Variants in SVOP observed in about 807,000 individuals in gnomAD.
SVOP encodes SV2 related protein.
Under a neutral mutation model 69.1 loss-of-function variants are expected in SVOP, and 17 were observed. That is an observed-to-expected ratio of 0.25 (90% CI 0.17 to 0.37). SVOP has a LOEUF of 0.37. Among genes scored for constraint, SVOP ranks in the 10% least tolerant of loss-of-function variants. The pLI, the probability that SVOP is intolerant of heterozygous loss-of-function variation, is 1.00. For synonymous variants in SVOP, 238 were observed against 238.6 expected, an observed-to-expected ratio of 1.00 and a Z score of 0.02; for missense variants, 435 against 597.5, an observed-to-expected ratio of 0.73 and a Z score of 2.84.
At position 108,912,537 on chromosome 12, in the gene SVOP, A is replaced by G. The variant is rs771485458; in HGVS notation, c.1645T>C (p.Ter549GlnextTer1). ...CCAGCTCAGTCCCCCATCGGTCACT[A>G]TTCCTGAGAGCCAGAGTTCGACCTG... The part of the protein sequence containing the change: ...VTRSNSGSQE[*>Q] The change falls in exon 16 of 16, where the codon TAG (stop) becomes CAG (glutamine). Residue 549 changes from the stop codon to glutamine (Q), a stop_lost. Coordinates refer to ENST00000610966, the MANE Select transcript of SVOP (RefSeq NM_018711.5). The G allele has an allele frequency of 6.8e-6, 11 of 1,613,760 alleles. No homozygotes were observed. Among genetic ancestry groups the G allele is most frequent in the Non-Finnish European group, 9.3e-6 (11 of 1,179,702 alleles).
At position 108,946,152 on chromosome 12, in the gene SVOP, G is replaced by A. The variant is rs138624468; in HGVS notation, c.579-986C>T. The stretch of plus-strand genomic sequence containing the variant: ...CCCTATCCCCAGGCTTGAGTGCATG[G>A]TGTGATCATGGCTCACTGCAGCTTC... On this transcript the variant is annotated intron_variant, in intron 6 of 15. Transcript: ENST00000610966. Among the ~76,000 whole-genome samples, 142 of 152,178 alleles carry A rather than the reference G, an allele frequency of 9.3e-4. 3 individuals carry two copies. The highest frequency in any genetic ancestry group is 3.4e-3 in the African/African-American group (140 of 41,516).
chr12:108,984,467 CCT>C (rs1305087353), intron 1 of SVOP, among the ~76,000 whole-genome samples: 4 of 152,188 alleles, frequency 2.6e-5, no homozygotes, highest in South Asian at 2.1e-4. Flanking sequence ...CACCCCAACC[CCT>C]GTTTTAGATG....
intron 6 of SVOP, among the ~76,000 whole-genome samples, chr12:108,947,037 T>C (rs1374706312): frequency 1.3e-5 from 2 of 152,242 alleles, no homozygotes; most frequent in African/African-American, 2.4e-5. Flanking sequence ...TGTTATTATT[T>C]TGATGCTCAG....
intron 8 of SVOP, among the ~76,000 whole-genome samples, chr12:108,939,263 G>T (rs1278624659): frequency 6.6e-6 from 1 of 152,146 alleles, no homozygotes; most frequent in Non-Finnish European, 1.5e-5. Context: ...GCCTGGTATG[G>T]GTTAATGCAG....
At chr12:108,956,899 G>A (rs1303600816) in intron 6 of SVOP, among the ~76,000 whole-genome samples, 2 of 152,208 alleles carry the variant, frequency 1.3e-5, no homozygotes, top group African/African-American at 2.4e-5. Flanking sequence ...GCTTGGAGAC[G>A]ATGCCCTGTG....
At chr12:108,918,219 T>C (rs1195393257) in intron 13 of SVOP, 95 bp from the exon 14 acceptor site, 9 of 947,962 alleles carry the variant, frequency 9.5e-6, no homozygotes, top group South Asian at 1.9e-5. Context: ...GCCCTAGCAA[T>C]TGGCAAAGGT....
At chr12:109,001,103 C>T (rs2040266461) in intron 1 of SVOP, among the ~76,000 whole-genome samples, 1 of 149,408 alleles carries the variant, frequency 6.7e-6, no homozygotes, top group South Asian at 2.2e-4. Context: ...TGATAAGCAA[C>T]TTCAGCAAAG....
chr12:108,943,211 T>C (rs572123541), intron 7 of SVOP, among the ~76,000 whole-genome samples: 1 of 152,198 alleles, frequency 6.6e-6, no homozygotes, highest in South Asian at 2.1e-4. Flanking sequence ...CAAAGTCCCC[T>C]TTTGCTTAAG....
chr12:108,952,879 T>A (rs994741711), intron 6 of SVOP, among the ~76,000 whole-genome samples: 1 of 152,034 alleles, frequency 6.6e-6, no homozygotes, highest in Non-Finnish European at 1.5e-5. Flanking sequence ...ATAATAACTA[T>A]CTGACCTCCA....
intron 14 of SVOP, 60 bp downstream of exon 14, chr12:108,917,983 C>T: frequency 1.5e-6 from 2 of 1,354,140 alleles, no homozygotes; most frequent in Non-Finnish European, 2.0e-6. Flanking sequence ...GCAGAGCATC[C>T]CCCACAGCCA....
chr12:109,004,862 C>G (rs879531264), intron 1 of SVOP, among the ~76,000 whole-genome samples: 1 of 151,940 alleles, frequency 6.6e-6, no homozygotes. Flanking sequence ...CTCATCCCCC[C>G]GAGTAGCTGG....
intron 1 of SVOP, among the ~76,000 whole-genome samples, chr12:109,011,059 C>T (rs930242661): frequency 4.6e-5 from 7 of 152,218 alleles, no homozygotes; most frequent in African/African-American, 1.7e-4. Context: ...GGATTACAGG[C>T]ACATGCCACC....
chr12:108,977,801 C>A (rs1203024489), intron 3 of SVOP, among the ~76,000 whole-genome samples: 1 of 150,146 alleles, frequency 6.7e-6, no homozygotes, highest in African/African-American at 2.4e-5. Flanking sequence ...GAGAAAAAAA[C>A]ATTTTTATAG....
intron 1 of SVOP, among the ~76,000 whole-genome samples, chr12:108,996,710 C>T (rs1023508236): frequency 5.9e-5 from 9 of 152,078 alleles, no homozygotes; most frequent in African/African-American, 2.2e-4. Context: ...GCTGGAAGAT[C>T]GCTTGAGCCC....
intron 1 of SVOP, among the ~76,000 whole-genome samples, chr12:108,985,208 C>G (rs2040160185): frequency 6.8e-6 from 1 of 148,036 alleles, no homozygotes; most frequent in Admixed American, 6.8e-5. Flanking sequence ...GCCTGAGCAA[C>G]AGAGAGAGAC....
intron 1 of SVOP, among the ~76,000 whole-genome samples, chr12:109,003,842 G>C (rs1472350837): frequency 6.6e-6 from 1 of 151,960 alleles, no homozygotes; most frequent in Non-Finnish European, 1.5e-5. Context: ...TCCTGGGCTT[G>C]AGTGGTCCTC....
chr12:108,919,009 C>A (rs1483631089), intron 13 of SVOP, among the ~76,000 whole-genome samples: 1 of 148,218 alleles, frequency 6.7e-6, no homozygotes, highest in Non-Finnish European at 1.5e-5. Context: ...CACCTGCACC[C>A]CCACTTGTAC....
At chr12:108,930,490 T>G (rs2039810744) in intron 11 of SVOP, among the ~76,000 whole-genome samples, 1 of 146,318 alleles carries the variant, frequency 6.8e-6, no homozygotes, top group Non-Finnish European at 1.5e-5. Flanking sequence ...CAGGCTGGAG[T>G]GCAGTGGCGT....
intron 5 of SVOP, among the ~76,000 whole-genome samples, chr12:108,961,292 C>T (rs901029478): frequency 6.6e-6 from 1 of 152,138 alleles, no homozygotes; most frequent in Non-Finnish European, 1.5e-5. Flanking sequence ...GTCAGATATT[C>T]CACAATACAG....
Sources: gnomAD v4.1 joint callset for allele counts (sites outside exome capture counted in the v4.1 genomes callset) on GRCh38, gnomAD v4.1.1 for gene constraint, MANE v1.5 for transcripts, NCBI Gene and HGNC (gene_info 2026-07-23, HGNC 2026-07-21) for gene names.